The following KCNQ5 variants were observed in gnomAD, a reference collection of about 807,000 sequenced individuals.
KCNQ5 encodes the protein potassium voltage-gated channel subfamily Q member 5, also known as potassium voltage-gated channel subfamily KQT member 5.
Under a neutral mutation model 98.2 loss-of-function variants are expected in KCNQ5, and 30 were observed. The observed-to-expected ratio is 0.31, with a 90% confidence interval of 0.23 to 0.41. KCNQ5 has a LOEUF of 0.41. Ranked by LOEUF, KCNQ5 falls within the 10% of genes least tolerant of loss-of-function variation. The probability of loss-of-function intolerance (pLI) is 1.00; values close to 1 mark genes in which losing one functional copy is unlikely to be tolerated. For synonymous variants in KCNQ5, 458 were observed against 449.4 expected, an observed-to-expected ratio of 1.02 and a Z score of -0.24; for missense variants, 835 against 1,182.5, an observed-to-expected ratio of 0.71 and a Z score of 4.31.
intron 1 of KCNQ5, among the ~76,000 whole-genome samples, chr6:72,861,095 C>A (rs2150152968): frequency 7.1e-6 from 1 of 140,266 alleles, no homozygotes; most frequent in Non-Finnish European, 1.6e-5. Context: ...TAAAATATTC[C>A]CAGACTGATA....
At chr6:72,723,251 A>G (rs112047050) in intron 1 of KCNQ5, among the ~76,000 whole-genome samples, 1 of 152,232 alleles carries the variant, frequency 6.6e-6, no homozygotes, top group African/African-American at 2.4e-5. Context: ...AATGGAAATA[A>G]TAATGGTACT....
rs191098464 is a variant in KCNQ5, at chr6:72,964,802, T to A, written c.399-39106T>A. Among the ~76,000 whole-genome samples, 29 of 152,258 alleles carry A rather than the reference T, an allele frequency of 1.9e-4. No homozygotes were observed. The East Asian group carries it at 3.9e-3, about 20-fold the overall frequency. Reference sequence around the variant, plus strand: ...GCCCTTTACAGAGCAACAAAAAAATTTTAGTCTCCCAACATTCGGGTTCTC... The same window carrying A: ...GCCCTTTACAGAGCAACAAAAAAATATTAGTCTCCCAACATTCGGGTTCTC... On this transcript the variant is annotated intron_variant, in intron 1 of 13. Coordinates refer to ENST00000370398, the MANE Select transcript of KCNQ5 (RefSeq NM_019842.4).
Position 73,195,356 on chromosome 6 carries a change from T to C in KCNQ5, c.2741T>C (p.Ile914Thr). ...GGAAGGTCACGATCATCTCAGAGCA[T>C]TTGTAAGGCAGGAGAAAGTACAGAT... ...RTGRSRSSQS[I>T]CKAGESTDAL... Residue 914 changes from isoleucine to threonine, a missense_variant, in exon 14 of 14, where the codon ATT becomes ACT. Ile to Thr is a moderately conservative substitution (Grantham distance 89). This residue lies in a region of KCNQ5 where 416 missense variants were observed against 446.9 expected (regional missense o/e 0.93). Transcript: ENST00000370398. 6.2e-7 allele frequency: 1 copy of C among 1,614,170 alleles called. No individual in the cohort carries two copies. Among genetic ancestry groups the C allele is most frequent in the Non-Finnish European group, 8.5e-7 (1 of 1,180,028 alleles).
chr6:73,116,396 T>G (rs538654503), intron 7 of KCNQ5, among the ~76,000 whole-genome samples: 89 of 152,222 alleles, frequency 5.8e-4, no homozygotes, highest in Non-Finnish European at 1.0e-3. Flanking sequence ...TGGACGCAAG[T>G]GGCTCATGCC....
At chr6:73,012,711 C>T (rs187758783) in intron 2 of KCNQ5, among the ~76,000 whole-genome samples, 7 of 151,968 alleles carry the variant, frequency 4.6e-5, no homozygotes, top group South Asian at 4.2e-4. Flanking sequence ...AGCTAATACA[C>T]GCTGGGCTTA....
At chr6:73,054,950 CT>C (rs1299557007) in intron 3 of KCNQ5, 14 of 384,510 alleles carry the variant, frequency 3.6e-5, no homozygotes, top group African/African-American at 2.3e-4. Flanking sequence ...CCCATAATCT[CT>C]GCTCCAAAGC....
intron 10 of KCNQ5, among the ~76,000 whole-genome samples, chr6:73,167,805 G>A (rs1398672304): frequency 6.6e-6 from 1 of 152,138 alleles, no homozygotes; most frequent in Non-Finnish European, 1.5e-5. Flanking sequence ...TCCTCACATG[G>A]TAGAAAGACC....
chr6:72,862,396 A>C (rs1416256260), intron 1 of KCNQ5, among the ~76,000 whole-genome samples: 2 of 152,198 alleles, frequency 1.3e-5, no homozygotes, highest in African/African-American at 4.8e-5. Context: ...ACTAGCAAAT[A>C]ACTTGCTTCC....
intron 1 of KCNQ5, chr6:72,987,173 G>C (rs1333954924): frequency 2.1e-5 from 14 of 680,670 alleles, no homozygotes; most frequent in Non-Finnish European, 3.8e-5. Context: ...AGTCCAAGAA[G>C]GTAGAGCAGC....
intron 1 of KCNQ5, among the ~76,000 whole-genome samples, chr6:72,849,486 T>C (rs887919513): frequency 1.3e-5 from 2 of 152,186 alleles, no homozygotes; most frequent in Non-Finnish European, 2.9e-5. Context: ...GAAAGATATT[T>C]CTGATTCCTC....
At chr6:73,025,854 C>CT (rs1191474962) in intron 2 of KCNQ5, among the ~76,000 whole-genome samples, 1 of 152,088 alleles carries the variant, frequency 6.6e-6, no homozygotes, top group Non-Finnish European at 1.5e-5. Flanking sequence ...AGGACCAGGG[C>CT]TGAGTAGCTG....
intron 2 of KCNQ5, among the ~76,000 whole-genome samples, chr6:73,011,891 G>A (rs1408736924): frequency 6.6e-6 from 1 of 151,840 alleles, no homozygotes; most frequent in Non-Finnish European, 1.5e-5. Flanking sequence ...TTAATCATTA[G>A]GGAAGTGCAA....
chr6:72,637,579 T>A (rs1207916906), intron 1 of KCNQ5, among the ~76,000 whole-genome samples: 1 of 152,154 alleles, frequency 6.6e-6, no homozygotes. Flanking sequence ...ATCTCTAAAG[T>A]GCTTTTTATC....
chr6:72,835,345 T>G (rs1238371232), intron 1 of KCNQ5, among the ~76,000 whole-genome samples: 1 of 152,198 alleles, frequency 6.6e-6, no homozygotes, highest in Non-Finnish European at 1.5e-5. Context: ...ATGGAATTAC[T>G]TTCTGCTTCA....
chr6:72,851,687 A>G (rs1007262306), intron 1 of KCNQ5, among the ~76,000 whole-genome samples: 2 of 152,156 alleles, frequency 1.3e-5, no homozygotes, highest in Non-Finnish European at 2.9e-5. Context: ...CACCCTCTAC[A>G]TTCATTTACA....
chr6:73,142,114 C>A (rs7760644), intron 10 of KCNQ5, among the ~76,000 whole-genome samples: 28,447 of 152,104 alleles, frequency 0.19, 4,206 homozygotes, highest in African/African-American at 0.4. Context: ...GCTGGCTTCC[C>A]CCAGAGAGAG....
intron 12 of KCNQ5, 141 bp from the exon 13 acceptor site, chr6:73,192,424 A>G: frequency 2.9e-6 from 2 of 686,438 alleles, no homozygotes; most frequent in Non-Finnish European, 4.4e-6. Flanking sequence ...AAGCATATCA[A>G]CTGGAACAAG....
intron 11 of KCNQ5, 70 bp from the exon 12 acceptor site, chr6:73,190,503 C>T (rs1186800813): frequency 2.5e-6 from 2 of 797,912 alleles, no homozygotes; most frequent in East Asian, 6.6e-5. Context: ...ATTATATTTA[C>T]TGGTAAACTA....
intron 2 of KCNQ5, among the ~76,000 whole-genome samples, chr6:73,004,421 G>T (rs1769727656): frequency 6.6e-6 from 1 of 152,134 alleles, no homozygotes; most frequent in African/African-American, 2.4e-5. Context: ...CAAGAACTAT[G>T]AACATATGGC....
Sources: gnomAD v4.1 joint callset for allele counts (sites outside exome capture counted in the v4.1 genomes callset) on GRCh38, gnomAD v4.1.1 for gene constraint, gnomAD v4.1.1 regional missense constraint, MANE v1.5 for transcripts, NCBI Gene and HGNC (gene_info 2026-07-23, HGNC 2026-07-21) for gene names.